The following SLC44A1 variants were observed in gnomAD, a reference collection of about 807,000 sequenced individuals.
SLC44A1 encodes choline transporter-like protein 1.
A neutral mutation model predicts 79.3 loss-of-function variants in SLC44A1; 26 were observed. The observed-to-expected ratio is 0.33, with a 90% CI of 0.24 to 0.46. The LOEUF (loss-of-function observed/expected upper bound fraction) is 0.46. Among genes scored for constraint, SLC44A1 ranks in the 20% least tolerant of loss-of-function variants. The pLI, the probability that SLC44A1 is intolerant of heterozygous loss-of-function variation, is 1.00. For synonymous variants in SLC44A1, 263 were observed against 286.2 expected, an observed-to-expected ratio of 0.92 and a Z score of 0.82; for missense variants, 688 against 798.1, an observed-to-expected ratio of 0.86 and a Z score of 1.66.
At chr9:105,355,553 T>C (rs1454559623) in intron 5 of SLC44A1, among the ~76,000 whole-genome samples, 1 of 152,236 alleles carries the variant, frequency 6.6e-6, no homozygotes, top group Non-Finnish European at 1.5e-5. Context: ...AGATATACTT[T>C]TCCCCTTATA....
At chr9:105,385,138 T>G (rs1022043183) in intron 14 of SLC44A1, among the ~76,000 whole-genome samples, 7 of 152,170 alleles carry the variant, frequency 4.6e-5, no homozygotes, top group Non-Finnish European at 7.3e-5. Context: ...TTAAAAATGT[T>G]AGGTATTTTC....
intron 1 of SLC44A1, among the ~76,000 whole-genome samples, chr9:105,248,020 G>A (rs1829499023): frequency 6.6e-6 from 1 of 152,164 alleles, no homozygotes; most frequent in Admixed American, 6.5e-5. Flanking sequence ...CCTGCTTAAT[G>A]TGTATGTTTT....
At chr9:105,349,356 G>A (rs998299509) in intron 5 of SLC44A1, among the ~76,000 whole-genome samples, 1 of 152,136 alleles carries the variant, frequency 6.6e-6, no homozygotes, top group Non-Finnish European at 1.5e-5. Context: ...TGAGACTCAT[G>A]TCTACTTTCT....
At position 105,342,111 on chromosome 9, in the gene SLC44A1, T is replaced by C. The variant is rs573247881; in HGVS notation, c.407-6247T>C. 2.0e-5 allele frequency among the ~76,000 whole-genome samples: 3 copies of C among 152,334 alleles called. No individual in the cohort carries two copies. The East Asian group carries it at 5.8e-4, about 29-fold the overall frequency. On this transcript the variant is annotated intron_variant, in intron 4 of 15. Transcript: ENST00000374720. ...TCCTTATTATAATTATTTTTGAAAA[T>C]TCAAATAACACATACGGTAGTTCTC... is the stretch of plus-strand genomic sequence containing the variant.
chr9:105,292,733 C>G (rs1295580177), intron 1 of SLC44A1, among the ~76,000 whole-genome samples: 3 of 152,192 alleles, frequency 2.0e-5, no homozygotes, highest in Non-Finnish European at 2.9e-5. Context: ...TTTTCTGTCT[C>G]TATCTTGGCA....
At chr9:105,256,058 G>A (rs1829697153) in intron 1 of SLC44A1, among the ~76,000 whole-genome samples, 1 of 152,056 alleles carries the variant, frequency 6.6e-6, no homozygotes, top group Non-Finnish European at 1.5e-5. Context: ...CTGTCACCCT[G>A]GCTGGAGTGC....
chr9:105,380,744 A>G (rs965503291), intron 13 of SLC44A1, among the ~76,000 whole-genome samples: 4 of 152,088 alleles, frequency 2.6e-5, no homozygotes, highest in African/African-American at 9.7e-5. Context: ...ATCTCCATCC[A>G]CCATGGAGAT....
At chr9:105,267,345 A>G (rs982490393) in intron 1 of SLC44A1, among the ~76,000 whole-genome samples, 9 of 152,072 alleles carry the variant, frequency 5.9e-5, no homozygotes, top group African/African-American at 1.9e-4. Context: ...TGGGCCTTCT[A>G]TCCATTATGC....
chr9:105,273,375 A>G (rs1287239858), intron 1 of SLC44A1, among the ~76,000 whole-genome samples: 1 of 152,208 alleles, frequency 6.6e-6, no homozygotes, highest in African/African-American at 2.4e-5. Flanking sequence ...GGTGAATTAG[A>G]AGGGGGTGGA....
At chr9:105,421,379 T>G (rs1012926202) in intron 15 of SLC44A1, among the ~76,000 whole-genome samples, 1 of 152,166 alleles carries the variant, frequency 6.6e-6, no homozygotes. Context: ...CATTTTAAAG[T>G]TGAGATCACA....
In SLC44A1 at chr9:105,281,846, A is replaced by G. The variant is rs953268947; in HGVS notation, c.37-17374A>G. On this transcript the variant is annotated intron_variant, in intron 1 of 15. Transcript: ENST00000374720. Reference sequence around the variant, plus strand: ...TTTCAGAGAAATGAAGACTTTGTGAATTTGGGAGCCATATTGTTTAAGTTG... The same window carrying G: ...TTTCAGAGAAATGAAGACTTTGTGAGTTTGGGAGCCATATTGTTTAAGTTG... 4.7e-4 allele frequency among the ~76,000 whole-genome samples: 71 copies of G among 152,220 alleles called. 4 individuals are homozygous for G.
rs1018350024 is a variant in SLC44A1, at chr9:105,244,890, T to A, written c.22T>A (p.Ser8Thr). The change falls in exon 1 of 16, where the codon TCC (serine) becomes ACC (threonine). Residue 8 changes from serine (S) to threonine (T), a missense_variant. Coordinates refer to ENST00000374720, the MANE Select transcript of SLC44A1 (RefSeq NM_080546.5). ...CGCCATGGGCTGCTGCAGCTCCGCCTCCTCCGCCGCGCAGGTGAGGGGCTC... is the reference window on the plus strand; with the variant it reads ...CGCCATGGGCTGCTGCAGCTCCGCCACCTCCGCCGCGCAGGTGAGGGGCTC... MGCCSSA[S>T]SAAQSSKREW... 3.6e-3 allele frequency: 4,269 copies of A among 1,175,462 alleles called. 9 individuals are homozygous for A. Among genetic ancestry groups the A allele is most frequent in the Non-Finnish European group, 4.2e-3 (3,996 of 953,330 alleles). 72.8% of individuals were successfully genotyped at this position (1,175,462 alleles called of 1,614,324 possible). A position where few individuals can be genotyped will look rare whatever the true frequency, so the allele number is the denominator to read the frequency against.
Position 105,309,842 on chromosome 9 carries a change from G to C in SLC44A1, c.245G>C (p.Ser82Thr), listed in dbSNP as rs768766632. 8.7e-6 allele frequency: 14 copies of C among 1,613,708 alleles called. No homozygotes were observed. Among genetic ancestry groups the C allele is most frequent in the Non-Finnish European group, 1.1e-5 (13 of 1,179,806 alleles). The change falls in exon 3 of 16, where the codon AGT becomes ACT. Residue 82 changes from serine to threonine, a missense_variant. Physicochemically the swap from Ser to Thr is moderately conservative, Grantham distance 58 (BLOSUM62 1). Transcript: ENST00000374720. ...ACAAAGTTGGAAGCAATACCAAACAGTGGCATGGACCACACCCAGCGGAAG... is the reference window on the plus strand; with the variant it reads ...ACAAAGTTGGAAGCAATACCAAACACTGGCATGGACCACACCCAGCGGAAG... ...KNTKLEAIPNSGMDHTQRKYV... is the reference protein window; with the variant it reads ...KNTKLEAIPNTGMDHTQRKYV...
At chr9:105,338,234 C>G (rs976869224) in intron 4 of SLC44A1, among the ~76,000 whole-genome samples, 9 of 152,202 alleles carry the variant, frequency 5.9e-5, no homozygotes, top group Admixed American at 5.9e-4. Context: ...TGAGTAGCAA[C>G]CCTAAGTTGA....
intron 15 of SLC44A1, among the ~76,000 whole-genome samples, chr9:105,406,026 C>G (rs1173843472): frequency 1.3e-5 from 2 of 152,114 alleles, no homozygotes; most frequent in Admixed American, 1.3e-4. Flanking sequence ...CCTTTCGATG[C>G]AAGCAGGAAG....
At chr9:105,314,475 T>A (rs1216064604) in intron 3 of SLC44A1, among the ~76,000 whole-genome samples, 1 of 152,246 alleles carries the variant, frequency 6.6e-6, no homozygotes, top group Non-Finnish European at 1.5e-5. Flanking sequence ...ACTTTCTTTG[T>A]TACTCCAAGA....
intron 1 of SLC44A1, among the ~76,000 whole-genome samples, chr9:105,246,416 T>C (rs188797800): frequency 6.6e-6 from 1 of 152,070 alleles, no homozygotes; most frequent in Admixed American, 6.5e-5. Flanking sequence ...GTTAGCTTTT[T>C]TTTTTCCTGC....
intron 1 of SLC44A1, among the ~76,000 whole-genome samples, chr9:105,250,352 C>T (rs1009866330): frequency 2.6e-5 from 4 of 152,130 alleles, no homozygotes; most frequent in African/African-American, 9.7e-5. Flanking sequence ...AAATACTATA[C>T]TATCAAATAC....
chr9:105,393,982 A>G lies in SLC44A1; in HGVS notation c.*4926A>G, dbSNP rs1828821474. ...TGCTAAGACCTGAATTTAATATTTG[A>G]TATTCAAAAACAAGTTATTTTGAAG... On this transcript the variant is annotated 3_prime_UTR_variant, in exon 16 of 16. Coordinates refer to ENST00000374720, the MANE Select transcript of SLC44A1 (RefSeq NM_080546.5). The G allele has an allele frequency of 2.0e-6, 2 of 984,344 alleles. No individual in the cohort carries two copies. Among genetic ancestry groups the G allele is most frequent in the East Asian group, 1.1e-4 (1 of 8,808 alleles). 61.0% of individuals were successfully genotyped at this position (984,344 alleles called of 1,614,324 possible). A position where few individuals can be genotyped will look rare whatever the true frequency, so the allele number is the denominator to read the frequency against.
Sources: gnomAD v4.1 joint callset for allele counts (sites outside exome capture counted in the v4.1 genomes callset) on GRCh38, gnomAD v4.1.1 for gene constraint, MANE v1.5 for transcripts, NCBI Gene and HGNC (gene_info 2026-07-23, HGNC 2026-07-21) for gene names.